Variants in SLC23A2 observed in about 807,000 individuals in gnomAD.
The protein encoded by SLC23A2 is solute carrier family 23 member 2, also known as Na(+)/L-ascorbic acid transporter 2.
SLC23A2 carries 36 observed loss-of-function variants against 73.3 expected under a neutral mutation model. That is an observed-to-expected ratio of 0.49 (90% CI 0.38 to 0.65). The LOEUF (loss-of-function observed/expected upper bound fraction) is 0.65. SLC23A2 is among the 30% of genes least tolerant of loss of function. The pLI is 0.00. For synonymous variants in SLC23A2, 343 were observed against 327.3 expected, an observed-to-expected ratio of 1.05 and a Z score of -0.52; for missense variants, 507 against 841.6, an observed-to-expected ratio of 0.60 and a Z score of 4.92.
At position 4,873,350 on chromosome 20, in the gene SLC23A2, G is replaced by A. The variant is rs545102850; in HGVS notation, c.1102+586C>T. Among the ~76,000 whole-genome samples the A allele has an allele frequency of 2.6e-5, 4 of 152,206 alleles. No homozygotes were observed. The East Asian group carries it at 7.7e-4, about 29-fold the overall frequency. ...CAACCACTGGGATCACCTACACGGG[G>A]CCAGCTGCGAGTCCAGGTGACACCC... On this transcript the variant is annotated intron_variant, in intron 11 of 16. Transcript: ENST00000338244.
At chr20:4,999,117 T>G (rs1043473337) in intron 1 of SLC23A2, among the ~76,000 whole-genome samples, 1 of 152,188 alleles carries the variant, frequency 6.6e-6, no homozygotes, top group Non-Finnish European at 1.5e-5. Flanking sequence ...GGCCTACTGC[T>G]TTTAATTACC....
intron 1 of SLC23A2, among the ~76,000 whole-genome samples, chr20:4,975,164 G>A (rs73599394): frequency 1.2e-4 from 19 of 152,248 alleles, no homozygotes; most frequent in African/African-American, 4.6e-4. Context: ...TTTCCAAAAG[G>A]TGCTAGGCCC....
chr20:4,956,822 T>C (rs867644167), intron 2 of SLC23A2, among the ~76,000 whole-genome samples: 18 of 146,544 alleles, frequency 1.2e-4, no homozygotes, highest in African/African-American at 3.2e-4. Context: ...TTTTTTTTTT[T>C]CTGAGACAGA....
intron 13 of SLC23A2, among the ~76,000 whole-genome samples, chr20:4,867,014 GC>G (rs111418963): frequency 1.6e-5 from 2 of 125,954 alleles, no homozygotes; most frequent in African/African-American, 6.1e-5. Flanking sequence ...CTTTTGCCCA[GC>G]CCCCCATGGT....
intron 2 of SLC23A2, among the ~76,000 whole-genome samples, chr20:4,951,689 T>A (rs1439108118): frequency 6.6e-6 from 1 of 152,168 alleles, no homozygotes; most frequent in Non-Finnish European, 1.5e-5. Context: ...AGTGCTAAAA[T>A]TGTATTGTGG....
rs138285787 is a variant in SLC23A2, at chr20:4,912,775, G to A, written c.207+105C>T. 2.2e-3 allele frequency: 1,637 copies of A among 751,292 alleles called. 6 individuals are homozygous for A. Among genetic ancestry groups the A allele is most frequent in the African/African-American group, 9.9e-3 (584 of 58,780 alleles). 46.5% of individuals were successfully genotyped at this position (751,292 alleles called of 1,614,324 possible). A position where few individuals can be genotyped will look rare whatever the true frequency, so the allele number is the denominator to read the frequency against. ...GGGAGTCAGAGACCAAGCCCCAGAC[G>A]AAGGACATGCAAGTGTCTGAAAGGG... On this transcript the variant is annotated intron_variant, in intron 4 of 16. Transcript: ENST00000338244.
intron 1 of SLC23A2, among the ~76,000 whole-genome samples, chr20:4,975,976 C>T (rs762752093): frequency 6.6e-6 from 1 of 151,698 alleles, no homozygotes; most frequent in Admixed American, 6.6e-5. Flanking sequence ...GCCTCAGCCT[C>T]CCGAGTAGCT....
chr20:4,955,163 G>A (rs966565988), intron 2 of SLC23A2, among the ~76,000 whole-genome samples: 1 of 152,018 alleles, frequency 6.6e-6, no homozygotes. Context: ...TGAGGTAGGA[G>A]GACTGGCTTG....
rs911579821 is a variant in SLC23A2, at chr20:4,863,393, C to G, written c.1357-486G>C. Among the ~76,000 whole-genome samples the G allele has an allele frequency of 1.3e-5, 2 of 152,242 alleles. No homozygotes were observed. The highest frequency in any genetic ancestry group is 2.9e-5 in the Non-Finnish European group (2 of 68,036). On this transcript the variant is annotated intron_variant, in intron 13 of 16. Transcript: ENST00000338244. The surrounding 1 kb of genome is among the most constrained non-coding windows in gnomAD (Gnocchi z 4.8). ...ACGGATGAGGACATCTGGAGCCTGACTGCGGGCTCTTCTCCTGGCCCACGT... is the reference window on the plus strand; with the variant it reads ...ACGGATGAGGACATCTGGAGCCTGAGTGCGGGCTCTTCTCCTGGCCCACGT...
Position 4,899,531 on chromosome 20 carries a change from C to G in SLC23A2, c.482+24G>C. ...CAATGCCTTCTGGGGGCTTTGGCAT[C>G]CCCCATTAGTACCCCAATCTCACCT... On this transcript the variant is annotated intron_variant, in intron 6 of 16. Coordinates refer to ENST00000338244, the MANE Select transcript of SLC23A2 (RefSeq NM_005116.6). This position sits in a 1 kb window ranked among gnomAD's most constrained non-coding sequence, Gnocchi z 4.9. The G allele has an allele frequency of 6.2e-7, 1 of 1,612,114 alleles. No individual in the cohort carries two copies.
At position 4,857,674 on chromosome 20, in the gene SLC23A2, T is replaced by C. The variant is rs1430234004; in HGVS notation, c.1721-470A>G. 6.6e-6 allele frequency among the ~76,000 whole-genome samples: 1 copy of C among 152,098 alleles called. No individual in the cohort carries two copies. The highest frequency in any genetic ancestry group is 2.4e-5 in the African/African-American group (1 of 41,410). On this transcript the variant is annotated intron_variant, in intron 16 of 16. Transcript: ENST00000338244. This position sits in a 1 kb window ranked among gnomAD's most constrained non-coding sequence, Gnocchi z 4.0. ...GGCCAGGTGTGGTGGCTCACACCTG[T>C]AATCCAAGCACTTTGGGAGGCCGAG...
intron 2 of SLC23A2, among the ~76,000 whole-genome samples, chr20:4,935,204 A>G (rs1274618734): frequency 2.0e-5 from 3 of 151,388 alleles, no homozygotes; most frequent in East Asian, 3.9e-4. Flanking sequence ...AAAAAAAAAA[A>G]AAAGAAACCA....
chr20:4,952,907 C>A lies in SLC23A2; in HGVS notation c.-155+17886G>T, dbSNP rs151034293. 2.6e-3 allele frequency among the ~76,000 whole-genome samples: 402 copies of A among 152,114 alleles called. 3 individuals carry two copies. Among genetic ancestry groups the A allele is most frequent in the African/African-American group, 9.5e-3 (394 of 41,480 alleles). ...GCGTGGTGGCATGTACCTGTAATCC[C>A]AGCTACTCAGGAGGCTGAGGCAGGA... On this transcript the variant is annotated intron_variant, in intron 2 of 16. Transcript: ENST00000338244.
intron 15 of SLC23A2, among the ~76,000 whole-genome samples, chr20:4,859,902 T>C (rs1225254173): frequency 6.6e-6 from 1 of 152,192 alleles, no homozygotes; most frequent in African/African-American, 2.4e-5. Flanking sequence ...ATATTAAATG[T>C]AAAAAACAGC....
chr20:4,893,266 T>A (rs1173035357), intron 6 of SLC23A2, among the ~76,000 whole-genome samples: 1 of 152,114 alleles, frequency 6.6e-6, no homozygotes, highest in African/African-American at 2.4e-5. Flanking sequence ...GGTCTCACTA[T>A]GTTGTCCAGG....
intron 1 of SLC23A2, among the ~76,000 whole-genome samples, chr20:4,991,720 T>TCACACACACA (rs11471369): frequency 8.4e-4 from 117 of 139,422 alleles, no homozygotes; most frequent in Admixed American, 1.0e-3. Flanking sequence ...AGACTCCGTT[T>TCACACACACA]CACACACACA....
intron 9 of SLC23A2, among the ~76,000 whole-genome samples, chr20:4,878,940 G>A (rs1930766143): frequency 2.0e-5 from 3 of 152,102 alleles, no homozygotes; most frequent in South Asian, 2.1e-4. Flanking sequence ...TTTTTGGTAT[G>A]GGTCCACATT....
rs537709465 is a variant in SLC23A2 at position 4,929,287 on chromosome 20, G to GA, written c.108+3167dup. Among the ~76,000 whole-genome samples, 1,323 of 146,326 alleles carry GA rather than the reference G, an allele frequency of 9.0e-3. 20 individuals carry two copies. Among genetic ancestry groups the GA allele is most frequent in the African/African-American group, 0.031 (1,250 of 39,978 alleles). On this transcript the variant is annotated intron_variant, in intron 3 of 16. Coordinates refer to ENST00000338244, the MANE Select transcript of SLC23A2 (RefSeq NM_005116.6). ...TGTAAAAAAAAAAAGAAAAGAAAAAGAAAAAAAAAACACTTATGGAAAAAA... is the reference window on the plus strand; with the variant it reads ...TGTAAAAAAAAAAAGAAAAGAAAAAGAAAAAAAAAAACACTTATGGAAAAAA...
intron 2 of SLC23A2, among the ~76,000 whole-genome samples, chr20:4,962,905 G>A (rs747362320): frequency 5.3e-5 from 8 of 152,274 alleles, no homozygotes; most frequent in Non-Finnish European, 1.0e-4. Context: ...GCTGAGGCAG[G>A]AGAATCGCTT....
Sources: allele counts gnomAD v4.1 joint callset (sites outside exome capture counted in the v4.1 genomes callset), GRCh38; gene constraint gnomAD v4.1.1; non-coding constraint Gnocchi (gnomAD v3.1); transcripts MANE v1.5; gene names NCBI Gene and HGNC (gene_info 2026-07-23, HGNC 2026-07-21).